Variants in PDE1A observed in about 807,000 individuals in gnomAD.
PDE1A encodes phosphodiesterase 1A, also known as dual specificity calcium/calmodulin-dependent 3',5'-cyclic nucleotide phosphodiesterase 1A.
PDE1A carries 35 observed loss-of-function variants against 61.7 expected under a neutral mutation model. That is an observed-to-expected ratio of 0.57 (90% CI 0.43 to 0.75). PDE1A has a LOEUF of 0.75. Ranked by LOEUF, PDE1A falls within the 30% of genes least tolerant of loss-of-function variation. The probability of loss-of-function intolerance (pLI) is 0.00; values close to 1 mark genes in which losing one functional copy is unlikely to be tolerated. For missense variants in PDE1A, 597 were observed against 630.6 expected, an observed-to-expected ratio of 0.95 and a Z score of 0.57; for synonymous variants, 232 against 213.2, an observed-to-expected ratio of 1.09 and a Z score of -0.77.
intron 1 of PDE1A, among the ~76,000 whole-genome samples, chr2:182,366,841 G>A (rs1449065726): frequency 6.6e-6 from 1 of 152,042 alleles, no homozygotes; most frequent in African/African-American, 2.4e-5. Context: ...CGTGGCTAAT[G>A]TGGAACAATA....
At chr2:182,627,351 A>AATATAATATATATATTTAATATTTATT in the PDE1A span, among the ~76,000 whole-genome samples, 2 of 117,548 alleles carry the variant, frequency 1.7e-5, no homozygotes, top group Non-Finnish European at 3.3e-5. Flanking sequence ...TAATATATAA[A>AATATAATATATATATTTAATATTTATT]ATATAATATA....
At chr2:182,688,552 C>T in the PDE1A span, among the ~76,000 whole-genome samples, 19 of 152,132 alleles carry the variant, frequency 1.2e-4, no homozygotes, top group African/African-American at 4.8e-5. Flanking sequence ...AAGGAACAAC[C>T]GGTATCAGCC....
rs575794072 is a variant in PDE1A at position 182,508,733 on chromosome 2, T to A, written c.101+13543A>T. ...TCAAAGCCATTTGTAAATTTCTTTT[T>A]TTTTTTATTTTTTTTTTATTTTTAT... On this transcript the variant is annotated intron_variant, in intron 2 of 14. Coordinates refer to the PDE1A transcript ENST00000410103. Among the ~76,000 whole-genome samples the A allele has an allele frequency of 2.7e-5, 4 of 148,558 alleles. No individual in the cohort carries two copies. In the East Asian group the frequency reaches 5.8e-4, roughly 22 times the overall value.
the PDE1A span, among the ~76,000 whole-genome samples, chr2:182,658,387 G>C: frequency 6.6e-6 from 1 of 152,134 alleles, no homozygotes; most frequent in African/African-American, 2.4e-5. Flanking sequence ...CCCTCATATG[G>C]CCTTATTAGA....
At chr2:182,529,157 AATGCCAGTGCAT>A in the PDE1A span, among the ~76,000 whole-genome samples, 1 of 152,212 alleles carries the variant, frequency 6.6e-6, no homozygotes, top group Non-Finnish European at 1.5e-5. Context: ...ACAGACTCTC[AATGCCAGTGCAT>A]GAAAGCAGCT....
In PDE1A at chr2:182,356,999, G is replaced by A. The variant is rs138701309; in HGVS notation, c.53+69579C>T. 2.9e-3 allele frequency among the ~76,000 whole-genome samples: 441 copies of A among 152,192 alleles called. 3 individuals carry two copies. The highest frequency in any genetic ancestry group is 0.01 in the African/African-American group (421 of 41,526). ...TGAACAATGAGAACACTTGGACACA[G>A]GAAGGGGAACATCACACACCGGGAC... is the stretch of plus-strand genomic sequence containing the variant. On this transcript the variant is annotated intron_variant, in intron 1 of 13. Coordinates refer to ENST00000351439, the Ensembl canonical transcript of PDE1A.
At chr2:182,694,472 G>A in the PDE1A span, among the ~76,000 whole-genome samples, 4 of 152,126 alleles carry the variant, frequency 2.6e-5, no homozygotes, top group East Asian at 1.9e-4. Context: ...AAGCGGTAAC[G>A]AAGCCTACTC....
chr2:182,186,439 A>C, intron 12 of PDE1A, 29 bp downstream of exon 12: 1 of 1,605,182 alleles, frequency 6.2e-7, no homozygotes, highest in African/African-American at 1.3e-5. Context: ...ACAAAGATGA[A>C]AAATAATGCA....
the PDE1A span, among the ~76,000 whole-genome samples, chr2:182,696,522 A>T: frequency 5.9e-5 from 9 of 152,184 alleles, no homozygotes; most frequent in Non-Finnish European, 1.0e-4. Context: ...GGACAGTGAG[A>T]CTACTCTGTA....
chr2:182,499,670 G>A (rs1266652848), intron 2 of PDE1A, among the ~76,000 whole-genome samples: 1 of 152,124 alleles, frequency 6.6e-6, no homozygotes, highest in East Asian at 1.9e-4. Context: ...CAATGAACTG[G>A]TATCTGCAAA....
chr2:182,267,736 A>G (rs1358874852), intron 1 of PDE1A, among the ~76,000 whole-genome samples: 3 of 152,180 alleles, frequency 2.0e-5, no homozygotes, highest in East Asian at 1.9e-4. Context: ...ATCAAATTAT[A>G]TATACAACAA....
At chr2:182,683,586 A>T in the PDE1A span, among the ~76,000 whole-genome samples, 2 of 152,172 alleles carry the variant, frequency 1.3e-5, no homozygotes, top group Admixed American at 6.5e-5. Context: ...CTAACCCCAA[A>T]TACAAACTAC....
chr2:182,665,332 T>C, the PDE1A span, among the ~76,000 whole-genome samples: 2 of 152,120 alleles, frequency 1.3e-5, no homozygotes, highest in Non-Finnish European at 2.9e-5. Context: ...GACAAAGTCC[T>C]AATATTCAGA....
At chr2:182,684,174 G>T in the PDE1A span, among the ~76,000 whole-genome samples, 1 of 149,226 alleles carries the variant, frequency 6.7e-6, no homozygotes, top group Admixed American at 6.7e-5. Context: ...GGATCATTTT[G>T]TAATACCTAA....
intron 3 of PDE1A, among the ~76,000 whole-genome samples, chr2:182,238,367 TAGG>T (rs1454910172): frequency 1.3e-5 from 2 of 151,754 alleles, no homozygotes; most frequent in African/African-American, 2.4e-5. Flanking sequence ...GTGGTCAAGT[TAGG>T]AGGAGAGGAG....
intron 2 of PDE1A, among the ~76,000 whole-genome samples, chr2:182,434,265 A>G (rs1160696743): frequency 6.6e-6 from 1 of 152,102 alleles, no homozygotes; most frequent in East Asian, 1.9e-4. Flanking sequence ...CATTTTGTAA[A>G]ACTTACATTC....
chr2:182,295,055 A>ATTTTTTTTTTTTT (rs1559306033), intron 1 of PDE1A, among the ~76,000 whole-genome samples: 3 of 76,776 alleles, frequency 3.9e-5, no homozygotes, highest in South Asian at 4.5e-4. Flanking sequence ...ATAAAAGGTA[A>ATTTTTTTTTTTTT]TCTTTTTTTT....
intron 1 of PDE1A, among the ~76,000 whole-genome samples, chr2:182,411,314 G>A (rs778136783): frequency 1.3e-5 from 2 of 152,100 alleles, no homozygotes; most frequent in Non-Finnish European, 1.5e-5. Flanking sequence ...TTGTGTTTGC[G>A]ATATTTGCAC....
chr2:182,433,610 C>T (rs1704062705), intron 2 of PDE1A, among the ~76,000 whole-genome samples: 1 of 152,006 alleles, frequency 6.6e-6, no homozygotes, highest in Non-Finnish European at 1.5e-5. Flanking sequence ...CAAAACTGGC[C>T]CACACCCATG....
Sources: gnomAD v4.1 joint callset for allele counts (sites outside exome capture counted in the v4.1 genomes callset) on GRCh38, gnomAD v4.1.1 for gene constraint, MANE v1.5 for transcripts, NCBI Gene and HGNC (gene_info 2026-07-23, HGNC 2026-07-21) for gene names.